Variants in NAA16 observed in about 807,000 individuals in gnomAD.
NAA16 encodes the protein N-alpha-acetyltransferase 16, NatA auxiliary subunit, also known as NARG1-like protein.
Under a neutral mutation model 110.3 loss-of-function variants are expected in NAA16, and 97 were observed. The observed-to-expected ratio is 0.88, with a 90% CI of 0.75 to 1.04. The LOEUF is 1.04. NAA16 is among the 50% of genes least tolerant of loss of function. NAA16 has a pLI of 0.00. For missense variants in NAA16, 1,017 were observed against 1,005.1 expected, an observed-to-expected ratio of 1.01 and a Z score of -0.16; for synonymous variants, 372 against 330.6, an observed-to-expected ratio of 1.13 and a Z score of -1.36.
chr13:41,328,989 A>C (rs2042164945), intron 7 of NAA16, 146 bp downstream of exon 7: 1 of 665,330 alleles, frequency 1.5e-6, no homozygotes, highest in African/African-American at 1.9e-5. Context: ...ACATGGGAGT[A>C]AAAATGAATT....
At chr13:41,372,618 G>A (rs1018579313) in intron 16 of NAA16, 114 bp from the exon 17 acceptor site, 17 of 1,337,730 alleles carry the variant, frequency 1.3e-5, no homozygotes, top group African/African-American at 1.2e-4. Context: ...TTTTGCTTAC[G>A]AGTGTTATAA....
At chr13:41,323,469 G>T (rs1404360143) in intron 5 of NAA16, among the ~76,000 whole-genome samples, 1 of 151,106 alleles carries the variant, frequency 6.6e-6, no homozygotes, top group Non-Finnish European at 1.5e-5. Flanking sequence ...TCCTGCCTCA[G>T]CCTCCAGAGT....
At chr13:41,330,162 A>G (rs1175466327) in intron 7 of NAA16, among the ~76,000 whole-genome samples, 3 of 151,978 alleles carry the variant, frequency 2.0e-5, no homozygotes, top group Non-Finnish European at 1.5e-5. Flanking sequence ...TCTCCAAATC[A>G]TTAACAGAGA....
intron 13 of NAA16, among the ~76,000 whole-genome samples, chr13:41,364,942 G>A (rs2043181298): frequency 6.6e-6 from 1 of 152,070 alleles, no homozygotes; most frequent in Non-Finnish European, 1.5e-5. Context: ...GGAGAATCTG[G>A]TCTAGAAGAG....
chr13:41,351,220 A>G (rs761819849), intron 9 of NAA16, among the ~76,000 whole-genome samples: 1 of 152,190 alleles, frequency 6.6e-6, no homozygotes, highest in African/African-American at 2.4e-5. Context: ...AAGTTTGTAA[A>G]GTACTTGGTT....
At chr13:41,350,403 C>T (rs1041346425) in intron 9 of NAA16, among the ~76,000 whole-genome samples, 2 of 151,760 alleles carry the variant, frequency 1.3e-5, no homozygotes, top group Non-Finnish European at 2.9e-5. Flanking sequence ...ACGCCATTCT[C>T]CTGCTTCAGC....
chr13:41,311,971 G>C (rs1048352233), intron 1 of NAA16, among the ~76,000 whole-genome samples: 4 of 152,182 alleles, frequency 2.6e-5, no homozygotes, highest in Non-Finnish European at 5.9e-5. Context: ...GTCTCTCCTC[G>C]GCTAGGTGTT....
At chr13:41,355,279 CT>C in intron 10 of NAA16, 63 bp downstream of exon 10, 1 of 1,024,570 alleles carries the variant, frequency 9.8e-7, no homozygotes, top group South Asian at 1.4e-5. Flanking sequence ...CACAGTAATG[CT>C]CTTTTATGTA....
chr13:41,329,331 A>C (rs1440442086), intron 7 of NAA16, among the ~76,000 whole-genome samples: 1 of 151,970 alleles, frequency 6.6e-6, no homozygotes, highest in Non-Finnish European at 1.5e-5. Flanking sequence ...TCTTCCTTTG[A>C]AATTTGGTAA....
chr13:41,337,724 A>G (rs1468499042), intron 9 of NAA16, among the ~76,000 whole-genome samples: 1 of 152,176 alleles, frequency 6.6e-6, no homozygotes. Context: ...GGATAAGGAA[A>G]AGATTTTATT....
chr13:41,336,119 A>C (rs1209681086), intron 8 of NAA16, among the ~76,000 whole-genome samples: 3 of 152,068 alleles, frequency 2.0e-5, no homozygotes, highest in Non-Finnish European at 4.4e-5. Flanking sequence ...AATTTACTTT[A>C]CTTTTATTGT....
At chr13:41,367,226 G>C (rs779742381) in intron 13 of NAA16, among the ~76,000 whole-genome samples, 3 of 152,120 alleles carry the variant, frequency 2.0e-5, no homozygotes. Context: ...AACATGATTT[G>C]TAGGGAATGG....
intron 12 of NAA16, among the ~76,000 whole-genome samples, chr13:41,360,736 T>C (rs1264934947): frequency 2.6e-5 from 4 of 152,218 alleles, no homozygotes; most frequent in African/African-American, 7.2e-5. Flanking sequence ...TCAGGATATA[T>C]CTGCTTACTA....
chr13:41,366,092 G>A (rs1177869604), intron 13 of NAA16, among the ~76,000 whole-genome samples: 2 of 151,946 alleles, frequency 1.3e-5, no homozygotes, highest in Non-Finnish European at 1.5e-5. Flanking sequence ...TAAAAAAAAA[G>A]TTCATGTTAA....
At chr13:41,335,175 A>G (rs776350241) in intron 8 of NAA16, among the ~76,000 whole-genome samples, 2 of 151,550 alleles carry the variant, frequency 1.3e-5, no homozygotes, top group Non-Finnish European at 2.9e-5. Context: ...GATTGCAAGA[A>G]TAGAAAACAA....
chr13:41,335,252 C>T (rs1020517989), intron 8 of NAA16, among the ~76,000 whole-genome samples: 15 of 152,062 alleles, frequency 9.9e-5, no homozygotes, highest in African/African-American at 3.1e-4. Context: ...GTGATTACTA[C>T]GTGCAAGACA....
At chr13:41,368,220 T>G (rs2043245516) in intron 14 of NAA16, among the ~76,000 whole-genome samples, 1 of 152,236 alleles carries the variant, frequency 6.6e-6, no homozygotes, top group African/African-American at 2.4e-5. Context: ...CTGTACAGTT[T>G]TTTATTCACT....
At chr13:41,322,958 A>C (rs1593419093) in intron 4 of NAA16, 98 bp from the exon 5 acceptor site, 6 of 1,056,544 alleles carry the variant, frequency 5.7e-6, no homozygotes, top group Non-Finnish European at 8.6e-6. Context: ...CTTTGTTGAT[A>C]TAGTTCATTA....
Position 41,343,550 on chromosome 13 carries a change from T to G in NAA16, c.1014+6794T>G, listed in dbSNP as rs539225098. 2.3e-3 allele frequency among the ~76,000 whole-genome samples: 351 copies of G among 152,260 alleles called. 2 individuals carry two copies. Among genetic ancestry groups the G allele is most frequent in the African/African-American group, 8.2e-3 (339 of 41,538 alleles). ...AATTTGTTTTTGTTTTTGGTTTTTT[T>G]GTTTGGAGTCTCGCTCTGTCACCAG... is the stretch of plus-strand genomic sequence containing the variant. On this transcript the variant is annotated intron_variant, in intron 9 of 19. Coordinates refer to ENST00000379406, the MANE Select transcript of NAA16 (RefSeq NM_024561.5).
Sources: allele counts gnomAD v4.1 joint callset (sites outside exome capture counted in the v4.1 genomes callset), GRCh38; gene constraint gnomAD v4.1.1; transcripts MANE v1.5; gene names NCBI Gene and HGNC (gene_info 2026-07-23, HGNC 2026-07-21).